The following WNT2B variants were observed in gnomAD, a reference collection of about 807,000 sequenced individuals.
WNT2B encodes the protein protein Wnt-2b.
Under a neutral mutation model 40.5 loss-of-function variants are expected in WNT2B, and 19 were observed. The ratio of observed to expected loss-of-function variants is 0.47; its 90% CI spans 0.33 to 0.69. The LOEUF (loss-of-function observed/expected upper bound fraction) is 0.69, where lower values mean the gene tolerates loss of function less well. WNT2B is among the 30% of genes least tolerant of loss of function. The pLI is 0.02. For synonymous variants in WNT2B, 220 were observed against 211.9 expected (o/e 1.04, Z -0.33); for missense variants, 467 against 556.4 (o/e 0.84, Z 1.62).
chr1:112,510,174 G>A (rs1652299497), intron 1 of WNT2B, among the ~76,000 whole-genome samples: 1 of 151,760 alleles, frequency 6.6e-6, no homozygotes, highest in Non-Finnish European at 1.5e-5. Context: ...GCAGGCCCTA[G>A]ACTCCAGACA....
chr1:112,508,670 A>C (rs960480614), upstream of WNT2B: 24 of 975,366 alleles, frequency 2.5e-5, no homozygotes, highest in Non-Finnish European at 2.8e-5. The surrounding 1 kb of genome is among the most constrained non-coding windows in gnomAD (Gnocchi z 4.2). Context: ...TCACCCATAG[A>C]AGTGGGGCTG....
chr1:112,517,498 A>AAACT, intron 4 of WNT2B, 113 bp downstream of exon 4: 2 of 1,370,732 alleles, frequency 1.5e-6, no homozygotes, highest in Non-Finnish European at 1.9e-6. Flanking sequence ...CTGTGGGAGG[A>AAACT]GGCAGTTTCC....
At chr1:112,520,166 G>A (rs1269871095) in intron 4 of WNT2B, 114 bp from the exon 5 acceptor site, 1 of 1,033,692 alleles carries the variant, frequency 9.7e-7, no homozygotes. Context: ...GTGAGCCACT[G>A]TGCCCAGCCC....
At chr1:112,498,486 C>T (rs908645270) in intron 1 of WNT2B, among the ~76,000 whole-genome samples, 1 of 152,000 alleles carries the variant, frequency 6.6e-6, no homozygotes, top group Non-Finnish European at 1.5e-5. Flanking sequence ...CCACCCACCT[C>T]GGCCTCCCAA....
intron 1 of WNT2B, among the ~76,000 whole-genome samples, chr1:112,488,689 C>T (rs57921513): frequency 6.6e-6 from 1 of 151,760 alleles, no homozygotes; most frequent in South Asian, 2.1e-4. Context: ...GTAGCTGGGA[C>T]TACAGGCGCT....
At position 112,519,875 on chromosome 1, in the gene WNT2B, T is replaced by C. The variant is rs79879352; in HGVS notation, c.947-405T>C. Among the ~76,000 whole-genome samples the C allele has an allele frequency of 1.7e-3, 155 of 89,706 alleles. 1 individual carries two copies. In the East Asian group the frequency reaches 0.025, roughly 15 times the overall value. 58.9% of individuals were successfully genotyped at this position (89,706 alleles called of 152,430 possible). On this transcript the variant is annotated intron_variant, in intron 4 of 4. Transcript: ENST00000369684. Reference sequence around the variant, plus strand: ...GATGATGTCAGAGCCCATGCTTCTTTTTTTTTTTTTTTTTTTTGGAGACAG... The same window carrying C: ...GATGATGTCAGAGCCCATGCTTCTTCTTTTTTTTTTTTTTTTTGGAGACAG...
upstream of WNT2B, among the ~76,000 whole-genome samples, chr1:112,507,909 G>A (rs1181126441): frequency 1.3e-5 from 2 of 152,180 alleles, no homozygotes; most frequent in South Asian, 4.1e-4. Flanking sequence ...CACAGTGCCC[G>A]CAGGGCCCGT....
chr1:112,467,650 C>T, intron 1 of WNT2B: 1 of 753,972 alleles, frequency 1.3e-6, no homozygotes, highest in Non-Finnish European at 2.5e-6. Context: ...TCCTTTTCTT[C>T]TCGATACATA....
chr1:112,492,243 A>G (rs1412112022), intron 1 of WNT2B, among the ~76,000 whole-genome samples: 1 of 152,240 alleles, frequency 6.6e-6, no homozygotes, highest in African/African-American at 2.4e-5. Flanking sequence ...AAACCTGAAC[A>G]AACTGAAAAA....
At chr1:112,507,704 G>A (rs956346743), upstream of WNT2B, among the ~76,000 whole-genome samples, 1 of 152,228 alleles carries the variant, frequency 6.6e-6, no homozygotes, top group African/African-American at 2.4e-5. Flanking sequence ...AGTGAATTTG[G>A]AGTTGGGGGC....
At chr1:112,490,521 G>A (rs953241898) in intron 1 of WNT2B, among the ~76,000 whole-genome samples, 15 of 145,774 alleles carry the variant, frequency 1.0e-4, no homozygotes, top group African/African-American at 3.3e-4. Context: ...ACGGAGTCTC[G>A]CTCTGTCTCC....
rs1375793491 is a variant in WNT2B, at chr1:112,516,327, T to G, written c.591T>G (p.Arg197=). The part of the protein sequence containing the change: ...GCSDNIHYGV[R]FAKAFVDAKE... Reference sequence around the variant, plus strand: ...GTGACAACATCCACTACGGTGTCCGTTTTGCCAAGGCCTTCGTGGATGCCA... The same window carrying G: ...GTGACAACATCCACTACGGTGTCCGGTTTGCCAAGGCCTTCGTGGATGCCA... Residue 197 remains arginine, a synonymous_variant, in exon 3 of 5, where the codon CGT becomes CGG. Transcript: ENST00000369684. 1 of 1,613,976 alleles carries G rather than the reference T, an allele frequency of 6.2e-7. No individual in the cohort carries two copies. The highest frequency in any genetic ancestry group is 1.7e-5 in the Admixed American group (1 of 60,010).
At chr1:112,475,432 TAA>T (rs1418812747) in intron 1 of WNT2B, among the ~76,000 whole-genome samples, 1 of 152,230 alleles carries the variant, frequency 6.6e-6, no homozygotes, top group African/African-American at 2.4e-5. Flanking sequence ...TTACCCATTT[TAA>T]AGAGATTTAA....
chr1:112,502,396 G>C (rs1010827533), intron 1 of WNT2B, among the ~76,000 whole-genome samples: 1 of 152,258 alleles, frequency 6.6e-6, no homozygotes, highest in Admixed American at 6.5e-5. Context: ...CTGCAAGACA[G>C]AGACAAGCAG....
At chr1:112,480,625 G>T (rs1057108593) in intron 1 of WNT2B, among the ~76,000 whole-genome samples, 1 of 151,956 alleles carries the variant, frequency 6.6e-6, no homozygotes, top group African/African-American at 2.4e-5. Context: ...GAACCAGATG[G>T]CTTCATAGGT....
intron 1 of WNT2B, among the ~76,000 whole-genome samples, chr1:112,484,646 G>A (rs1437261663): frequency 7.3e-5 from 11 of 150,576 alleles, no homozygotes; most frequent in Non-Finnish European, 1.5e-5. Context: ...TGTGCCTGTA[G>A]TCCTAGCTAC....
chr1:112,517,614 C>T (rs1362792740), intron 4 of WNT2B, among the ~76,000 whole-genome samples: 10 of 152,206 alleles, frequency 6.6e-5, no homozygotes, highest in African/African-American at 2.4e-4. Context: ...GGTCATGCAT[C>T]GCTCCTTTGT....
At chr1:112,471,920 C>T (rs1650892096) in intron 1 of WNT2B, among the ~76,000 whole-genome samples, 1 of 152,048 alleles carries the variant, frequency 6.6e-6, no homozygotes, top group African/African-American at 2.4e-5. Context: ...ATGCAGTGTA[C>T]ATAATTATAA....
At chr1:112,513,528 C>T (rs1371591505) in intron 1 of WNT2B, among the ~76,000 whole-genome samples, 2 of 130,750 alleles carry the variant, frequency 1.5e-5, no homozygotes, top group South Asian at 2.6e-4. Context: ...TGGGTGAGGG[C>T]CGGCTGTGGG....
Sources: allele counts gnomAD v4.1 joint callset (sites outside exome capture counted in the v4.1 genomes callset), GRCh38; gene constraint gnomAD v4.1.1; non-coding constraint Gnocchi (gnomAD v3.1); transcripts MANE v1.5; gene names NCBI Gene and HGNC (gene_info 2026-07-23, HGNC 2026-07-21).